The following CNIH3 variants were observed in gnomAD, a reference collection of about 807,000 sequenced individuals.
The protein encoded by CNIH3 is protein cornichon homolog 3.
CNIH3 carries 14 observed loss-of-function variants against 24.1 expected under a neutral mutation model. That is an observed-to-expected ratio of 0.58 (90% CI 0.38 to 0.91). The LOEUF (loss-of-function observed/expected upper bound fraction) is 0.91. Ranked by LOEUF, CNIH3 falls within the 40% of genes least tolerant of loss-of-function variation. The pLI is 0.00. For missense variants in CNIH3, 178 were observed against 196.8 expected (o/e 0.90, Z 0.57); for synonymous variants, 68 against 73.8 (o/e 0.92, Z 0.40).
chr1:224,555,176 G>A (rs1680087110), intron 3 of CNIH3, among the ~76,000 whole-genome samples: 1 of 152,114 alleles, frequency 6.6e-6, no homozygotes, highest in Non-Finnish European at 1.5e-5. Context: ...AGGAAAATGA[G>A]GCTCAAAAAG....
At chr1:224,465,708 T>A (rs923717222) in intron 1 of CNIH3, among the ~76,000 whole-genome samples, 12 of 152,294 alleles carry the variant, frequency 7.9e-5, no homozygotes, top group Admixed American at 2.0e-4. Flanking sequence ...AATGTTGACA[T>A]TTTGCATAAC....
intron 1 of CNIH3, among the ~76,000 whole-genome samples, chr1:224,671,472 T>A (rs1685862749): frequency 6.6e-6 from 1 of 152,086 alleles, no homozygotes; most frequent in African/African-American, 2.4e-5. Context: ...TCACTCCCCC[T>A]TACAGAAGAG....
chr1:224,718,721 C>G (rs1159910655), intron 3 of CNIH3, among the ~76,000 whole-genome samples: 1 of 152,006 alleles, frequency 6.6e-6, no homozygotes, highest in Non-Finnish European at 1.5e-5. Context: ...CAGTTCCTTC[C>G]TCCTGTGTGA....
At chr1:224,523,667 A>T (rs185574164) in intron 2 of CNIH3, among the ~76,000 whole-genome samples, 42 of 152,310 alleles carry the variant, frequency 2.8e-4, no homozygotes, top group Middle Eastern at 3.4e-3. Context: ...GGGCTGTAAG[A>T]TGTGTGATCT....
chr1:224,672,959 C>T (rs1685942121), intron 1 of CNIH3, among the ~76,000 whole-genome samples: 1 of 152,226 alleles, frequency 6.6e-6, no homozygotes, highest in Non-Finnish European at 1.5e-5. Flanking sequence ...CCCAAATGCT[C>T]TCTGAGAGGG....
chr1:224,615,317 T>C (rs989084235), upstream of CNIH3: 2 of 152,174 alleles, frequency 1.3e-5, no homozygotes, highest in Admixed American at 1.3e-4. Context: ...TTTCTGGATT[T>C]GATGACTTGT....
intron 1 of CNIH3, among the ~76,000 whole-genome samples, chr1:224,635,531 G>T (rs1684045932): frequency 6.6e-6 from 1 of 152,210 alleles, no homozygotes; most frequent in Admixed American, 6.5e-5. Context: ...GAGCAACAGG[G>T]AGGAAAATAA....
At chr1:224,722,154 G>A (rs1405284574) in intron 3 of CNIH3, among the ~76,000 whole-genome samples, 1 of 152,170 alleles carries the variant, frequency 6.6e-6, no homozygotes, top group Non-Finnish European at 1.5e-5. Context: ...CACACCAGGG[G>A]TTTTAAAAAA....
At chr1:224,690,301 A>G (rs1243490494) in intron 3 of CNIH3, among the ~76,000 whole-genome samples, 1 of 152,160 alleles carries the variant, frequency 6.6e-6, no homozygotes, top group Non-Finnish European at 1.5e-5. Flanking sequence ...CCCAGGTTCA[A>G]GTGATTCTCC....
intron 1 of CNIH3, among the ~76,000 whole-genome samples, chr1:224,501,533 T>A (rs1276899076): frequency 3.3e-5 from 5 of 149,848 alleles, no homozygotes; most frequent in African/African-American, 1.2e-4. Flanking sequence ...ATATTTTTTT[T>A]TTTTAACCCC....
At chr1:224,685,035 AAGG>A (rs1686587308) in intron 3 of CNIH3, among the ~76,000 whole-genome samples, 192 bp downstream of exon 3, 1 of 152,182 alleles carries the variant, frequency 6.6e-6, no homozygotes, top group Non-Finnish European at 1.5e-5. Context: ...GAGCTAATTA[AAGG>A]AGGTGGCCAT....
At chr1:224,676,360 C>T (rs1035536447) in intron 1 of CNIH3, among the ~76,000 whole-genome samples, 4 of 151,220 alleles carry the variant, frequency 2.6e-5, no homozygotes, top group Admixed American at 6.6e-5. Flanking sequence ...TGAGACATGG[C>T]GGGGGGGTGT....
At chr1:224,633,952 A>G (rs552304799) in intron 1 of CNIH3, among the ~76,000 whole-genome samples, 4 of 152,328 alleles carry the variant, frequency 2.6e-5, no homozygotes, top group Admixed American at 6.5e-5. Context: ...AGACTCTTTG[A>G]TGTGTTATCC....
intron 2 of CNIH3, among the ~76,000 whole-genome samples, chr1:224,536,675 A>G (rs890007424): frequency 6.6e-6 from 1 of 152,188 alleles, no homozygotes; most frequent in African/African-American, 2.4e-5. Flanking sequence ...GATGGGACAG[A>G]TGAAACAAAA....
intron 1 of CNIH3, among the ~76,000 whole-genome samples, chr1:224,647,937 C>G (rs555657316): frequency 6.6e-6 from 1 of 152,306 alleles, no homozygotes; most frequent in African/African-American, 2.4e-5. Flanking sequence ...ACTGTTCTAT[C>G]TTAGGGTACT....
intron 1 of CNIH3, among the ~76,000 whole-genome samples, chr1:224,469,908 C>G (rs981167141): frequency 3.3e-5 from 5 of 151,534 alleles, no homozygotes; most frequent in Non-Finnish European, 7.4e-5. Context: ...TGAATTCTGC[C>G]AGATTTAAAA....
chr1:224,647,164 G>C (rs1357364280), intron 1 of CNIH3, among the ~76,000 whole-genome samples: 1 of 152,086 alleles, frequency 6.6e-6, no homozygotes, highest in Non-Finnish European at 1.5e-5. Context: ...TGTATTTTTA[G>C]TAGAGACAGG....
intron 1 of CNIH3, among the ~76,000 whole-genome samples, chr1:224,642,450 G>A (rs569223994): frequency 1.3e-5 from 2 of 151,994 alleles, no homozygotes; most frequent in Admixed American, 6.6e-5. Context: ...GGCTGTTCTC[G>A]AACTCCTGGC....
At chr1:224,486,289 T>G (rs902040640) in intron 1 of CNIH3, among the ~76,000 whole-genome samples, 6 of 151,768 alleles carry the variant, frequency 4.0e-5, no homozygotes, top group African/African-American at 1.5e-4. Flanking sequence ...TGGGGTTTTT[T>G]TTTTGTGGAG....
Sources: allele counts gnomAD v4.1 joint callset (sites outside exome capture counted in the v4.1 genomes callset), GRCh38; gene constraint gnomAD v4.1.1; transcripts MANE v1.5; gene names NCBI Gene and HGNC (gene_info 2026-07-23, HGNC 2026-07-21).